The following FKBP5 variants were observed in gnomAD, a reference collection of about 807,000 sequenced individuals.
FKBP5 encodes peptidyl-prolyl cis-trans isomerase FKBP5.
A neutral mutation model predicts 50.5 loss-of-function variants in FKBP5; 23 were observed. The observed-to-expected ratio is 0.46, with a 90% confidence interval of 0.33 to 0.65. FKBP5 has a LOEUF of 0.65. Among genes scored for constraint, FKBP5 ranks in the 30% least tolerant of loss-of-function variants. The pLI is 0.02. For synonymous variants in FKBP5, 176 were observed against 190.6 expected, an observed-to-expected ratio of 0.92 and a Z score of 0.63; for missense variants, 411 against 553.1, an observed-to-expected ratio of 0.74 and a Z score of 2.58.
intron 1 of FKBP5, among the ~76,000 whole-genome samples, chr6:35,665,353 TCTCGGCTCA>T (rs145616004): frequency 0.034 from 5,140 of 151,638 alleles, 266 homozygotes; most frequent in African/African-American, 0.11. Context: ...AGTGGCGCGA[TCTCGGCTCA>T]CTGCAACCTC....
intron 2 of FKBP5, among the ~76,000 whole-genome samples, chr6:35,703,125 C>T (rs984105089): frequency 6.6e-6 from 1 of 151,922 alleles, no homozygotes; most frequent in Admixed American, 6.6e-5. Context: ...TGGCAGGCAC[C>T]TGTAATCCCA....
intron 3 of FKBP5, among the ~76,000 whole-genome samples, chr6:35,630,605 C>G (rs1764127301): frequency 6.6e-6 from 1 of 152,190 alleles, no homozygotes; most frequent in African/African-American, 2.4e-5. Flanking sequence ...TAACCAGGAC[C>G]TACTTCATTT....
Position 35,685,273 on chromosome 6 carries a change from T to C in FKBP5, c.-20+3531A>G, listed in dbSNP as rs143646441. Among the ~76,000 whole-genome samples the C allele has an allele frequency of 1.9e-3, 295 of 152,312 alleles. 2 individuals are homozygous for C. The highest frequency in any genetic ancestry group is 0.012 in the East Asian group (64 of 5,180). On this transcript the variant is annotated intron_variant, in intron 1 of 10. Coordinates refer to ENST00000357266, the MANE Select transcript of FKBP5 (RefSeq NM_004117.4). ...TCATTTGGCAGTACTGTCTTTTACATAGTAAATAAACATCTCATTTGCAAA... is the reference window on the plus strand; with the variant it reads ...TCATTTGGCAGTACTGTCTTTTACACAGTAAATAAACATCTCATTTGCAAA...
chr6:35,610,113 C>A (rs761996738), intron 5 of FKBP5, among the ~76,000 whole-genome samples: 1 of 151,932 alleles, frequency 6.6e-6, no homozygotes, highest in Non-Finnish European at 1.5e-5. Flanking sequence ...GGGCTGATTG[C>A]GGGGATCTAA....
At chr6:35,706,811 T>C (rs900631781) in intron 2 of FKBP5, among the ~76,000 whole-genome samples, 1 of 152,214 alleles carries the variant, frequency 6.6e-6, no homozygotes, top group Non-Finnish European at 1.5e-5. Context: ...TAAAGACAAT[T>C]TGATCATCAG....
intron 3 of FKBP5, among the ~76,000 whole-genome samples, chr6:35,626,802 A>G (rs895950152): frequency 1.3e-5 from 2 of 152,182 alleles, no homozygotes; most frequent in Non-Finnish European, 2.9e-5. Flanking sequence ...ATGTTGTAGC[A>G]TCTGCCAGAA....
chr6:35,579,171 C>G (rs1053443354), intron 9 of FKBP5, among the ~76,000 whole-genome samples: 14 of 152,082 alleles, frequency 9.2e-5, no homozygotes, highest in East Asian at 5.8e-4. Flanking sequence ...CACACTCTCT[C>G]TCTCTCTCTC....
At chr6:35,704,236 G>C (rs917782576) in intron 2 of FKBP5, among the ~76,000 whole-genome samples, 3 of 152,200 alleles carry the variant, frequency 2.0e-5, no homozygotes, top group African/African-American at 7.2e-5. Context: ...CAGGTATCTA[G>C]AAAGGAGCTC....
intron 1 of FKBP5, among the ~76,000 whole-genome samples, chr6:35,677,126 T>G (rs1447375245): frequency 3.9e-5 from 6 of 152,224 alleles, no homozygotes; most frequent in Non-Finnish European, 7.3e-5. Context: ...CAGGCTGGAG[T>G]GCAGTGGCGC....
At chr6:35,683,519 G>A (rs1446500497) in intron 1 of FKBP5, among the ~76,000 whole-genome samples, 1 of 151,418 alleles carries the variant, frequency 6.6e-6, no homozygotes, top group Non-Finnish European at 1.5e-5. Context: ...AGGCTGGAGT[G>A]TAGTGGTGCA....
At chr6:35,639,390 T>C (rs555069364) in intron 2 of FKBP5, among the ~76,000 whole-genome samples, 47 of 152,300 alleles carry the variant, frequency 3.1e-4, no homozygotes, top group African/African-American at 1.1e-3. Flanking sequence ...AATGATATAA[T>C]TTAAAGGGCT....
At chr6:35,581,039 G>T (rs781483081) in intron 8 of FKBP5, 29 of 974,514 alleles carry the variant, frequency 3.0e-5, no homozygotes, top group Non-Finnish European at 3.5e-5. Context: ...TGCAAAAGCT[G>T]CTCTAGACAG....
chr6:35,582,005 G>A (rs1371398930), intron 8 of FKBP5: 3 of 985,446 alleles, frequency 3.0e-6, no homozygotes, highest in East Asian at 1.1e-4. Context: ...CTTCAAGTGG[G>A]TGATGTAAGA....
chr6:35,619,109 T>A lies in FKBP5; in HGVS notation c.495A>T (p.Gly165=), dbSNP rs183676896. ...TTTAATACTTACTTTCTACTGTTGC[T>A]CCTTCGTTTGGATTTGAATATCCCT... The part of the protein sequence containing the change: ...KGEGYSNPNE[G]ATVEIHLEGR... The change falls in exon 5 of 11, where the codon GGA becomes GGT. Residue 165 remains glycine, a synonymous_variant. Coordinates refer to ENST00000357266, the MANE Select transcript of FKBP5 (RefSeq NM_004117.4). The A allele has an allele frequency of 1.9e-5, 31 of 1,612,122 alleles. No individual in the cohort carries two copies. Among genetic ancestry groups the A allele is most frequent in the Non-Finnish European group, 2.6e-5 (31 of 1,178,174 alleles).
upstream of FKBP5, among the ~76,000 whole-genome samples, chr6:35,691,365 G>A (rs1017780962): frequency 6.6e-5 from 10 of 152,166 alleles, no homozygotes; most frequent in South Asian, 2.1e-4. Flanking sequence ...AGGGGACAGC[G>A]TGAGCAAAAA....
intron 2 of FKBP5, among the ~76,000 whole-genome samples, chr6:35,712,108 G>C (rs974860934): frequency 2.0e-5 from 3 of 150,582 alleles, no homozygotes; most frequent in Non-Finnish European, 2.9e-5. Context: ...TCAAACTTCT[G>C]GGCTCAAGCA....
At chr6:35,647,931 T>C (rs1764675024) in intron 1 of FKBP5, among the ~76,000 whole-genome samples, 1 of 152,240 alleles carries the variant, frequency 6.6e-6, no homozygotes, top group Admixed American at 6.5e-5. Context: ...TTCTTTTCCT[T>C]TGATGTCTCT....
At chr6:35,602,573 A>G (rs1050950876) in intron 5 of FKBP5, among the ~76,000 whole-genome samples, 6 of 151,946 alleles carry the variant, frequency 3.9e-5, no homozygotes, top group African/African-American at 7.3e-5. Flanking sequence ...CCTGCCTAAT[A>G]GAGCACAGTA....
intron 2 of FKBP5, among the ~76,000 whole-genome samples, chr6:35,714,289 T>A (rs1766472188): frequency 7.1e-6 from 1 of 140,098 alleles, no homozygotes; most frequent in African/African-American, 2.8e-5. Context: ...CCGTCTCTAC[T>A]AAAAATACAA....
Sources: gnomAD v4.1 joint callset for allele counts (sites outside exome capture counted in the v4.1 genomes callset) on GRCh38, gnomAD v4.1.1 for gene constraint, MANE v1.5 for transcripts, NCBI Gene and HGNC (gene_info 2026-07-23, HGNC 2026-07-21) for gene names.